Variants in LPP observed in about 807,000 individuals in gnomAD.
The protein encoded by LPP is lipoma-preferred partner.
Under a neutral mutation model 60.4 loss-of-function variants are expected in LPP, and 38 were observed. The ratio of observed to expected loss-of-function variants is 0.63; its 90% CI spans 0.49 to 0.83. The LOEUF is 0.83. LPP is among the 40% of genes least tolerant of loss of function. The pLI is 0.00. For synonymous variants in LPP, 328 were observed against 290.8 expected (o/e 1.13, Z -1.30); for missense variants, 902 against 783.6 (o/e 1.15, Z -1.80).
intron 9 of LPP, among the ~76,000 whole-genome samples, chr3:188,831,995 G>A (rs1757252888): frequency 6.6e-6 from 1 of 152,208 alleles, no homozygotes; most frequent in East Asian, 1.9e-4. Context: ...GATATTGGAA[G>A]AGCAAGTTGG....
chr3:188,575,450 T>C (rs543604263), intron 6 of LPP, among the ~76,000 whole-genome samples: 22 of 152,324 alleles, frequency 1.4e-4, no homozygotes, highest in African/African-American at 4.3e-4. Flanking sequence ...GGTTCCATTA[T>C]TGTGTTCATC....
intron 2 of LPP, among the ~76,000 whole-genome samples, chr3:188,276,193 A>G (rs1463518018): frequency 6.6e-6 from 1 of 151,836 alleles, no homozygotes; most frequent in Non-Finnish European, 1.5e-5. Flanking sequence ...GTGTAACCTG[A>G]CTCCACACCT....
At chr3:188,621,761 G>T (rs141435944) in intron 7 of LPP, among the ~76,000 whole-genome samples, 1 of 152,240 alleles carries the variant, frequency 6.6e-6, no homozygotes, top group East Asian at 1.9e-4. Context: ...CTGGGTTCAA[G>T]TGATTCTCCT....
chr3:188,185,765 C>T (rs1214465744), intron 1 of LPP, among the ~76,000 whole-genome samples: 3 of 152,184 alleles, frequency 2.0e-5, no homozygotes, highest in Non-Finnish European at 4.4e-5. Context: ...CTGTCGTTCT[C>T]TCATGGTGTG....
At chr3:188,381,616 G>C (rs753596062) in intron 3 of LPP, among the ~76,000 whole-genome samples, 1 of 152,180 alleles carries the variant, frequency 6.6e-6, no homozygotes, top group Non-Finnish European at 1.5e-5. Flanking sequence ...GGACTGGATT[G>C]TGTCATTCAT....
At chr3:188,334,768 A>T (rs1057073303) in intron 2 of LPP, among the ~76,000 whole-genome samples, 4 of 151,976 alleles carry the variant, frequency 2.6e-5, no homozygotes, top group African/African-American at 9.7e-5. Flanking sequence ...CCTCTATACT[A>T]TTTTCTATAA....
At chr3:188,644,862 CAA>C (rs1850818250) in intron 7 of LPP, among the ~76,000 whole-genome samples, 3 of 152,184 alleles carry the variant, frequency 2.0e-5, no homozygotes, top group South Asian at 4.1e-4. Context: ...AGGGTGCAGA[CAA>C]GAGAGGGAAC....
intron 7 of LPP, among the ~76,000 whole-genome samples, chr3:188,664,142 C>A (rs750301366): frequency 1.3e-5 from 2 of 152,218 alleles, no homozygotes; most frequent in Non-Finnish European, 2.9e-5. Context: ...AGTGCCAACT[C>A]ACCTCTAAGC....
At chr3:188,189,270 T>C (rs888948087) in intron 1 of LPP, among the ~76,000 whole-genome samples, 2 of 152,156 alleles carry the variant, frequency 1.3e-5, no homozygotes, top group East Asian at 1.9e-4. Flanking sequence ...TATTTTTTAA[T>C]AGTGACAGGG....
At chr3:188,416,901 A>G (rs2148987262) in intron 4 of LPP, among the ~76,000 whole-genome samples, 1 of 152,318 alleles carries the variant, frequency 6.6e-6, no homozygotes, top group South Asian at 2.1e-4. Flanking sequence ...TTATCTAAAA[A>G]TGGATTCATT....
intron 7 of LPP, among the ~76,000 whole-genome samples, chr3:188,690,325 G>A (rs1167971914): frequency 3.3e-5 from 5 of 152,162 alleles, no homozygotes. Flanking sequence ...TTCCTTTGGA[G>A]GTTAGAGCTT....
chr3:188,769,584 C>G (rs1449659405), intron 9 of LPP, among the ~76,000 whole-genome samples: 1 of 152,140 alleles, frequency 6.6e-6, no homozygotes, highest in Non-Finnish European at 1.5e-5. Flanking sequence ...CAGCAGGAAC[C>G]TTAGAAATTC....
chr3:188,737,425 C>T (rs1722910264), intron 8 of LPP, among the ~76,000 whole-genome samples: 1 of 152,160 alleles, frequency 6.6e-6, no homozygotes, highest in Non-Finnish European at 1.5e-5. Context: ...CCTGTCAACC[C>T]TGGTAGACAG....
chr3:188,751,931 T>C (rs1728207281), intron 8 of LPP, among the ~76,000 whole-genome samples: 1 of 152,174 alleles, frequency 6.6e-6, no homozygotes, highest in African/African-American at 2.4e-5. Flanking sequence ...ATCAGTAAAA[T>C]ATTGATAAAT....
At chr3:188,437,756 C>A (rs763352616) in intron 4 of LPP, among the ~76,000 whole-genome samples, 3 of 151,954 alleles carry the variant, frequency 2.0e-5, no homozygotes, top group Non-Finnish European at 4.4e-5. Context: ...TGTGTTATTT[C>A]ACTGCTTTAA....
chr3:188,207,310 C>T (rs1360605062), intron 1 of LPP, among the ~76,000 whole-genome samples: 2 of 149,678 alleles, frequency 1.3e-5, no homozygotes, highest in East Asian at 2.0e-4. Context: ...TAGCTGACTG[C>T]AACCTCTTCC....
chr3:188,401,462 G>T (rs1041725825), intron 3 of LPP, among the ~76,000 whole-genome samples: 2 of 152,056 alleles, frequency 1.3e-5, no homozygotes, highest in African/African-American at 4.8e-5. Context: ...CCTGGTTAAG[G>T]GCTACCTCTG....
At chr3:188,669,279 A>G (rs1856442956) in intron 7 of LPP, among the ~76,000 whole-genome samples, 2 of 152,116 alleles carry the variant, frequency 1.3e-5, no homozygotes, top group Admixed American at 1.3e-4. Context: ...CACCAGTTAG[A>G]TCATTAAAAA....
chr3:188,735,110 A>G (rs528011377), intron 8 of LPP, among the ~76,000 whole-genome samples: 1 of 152,252 alleles, frequency 6.6e-6, no homozygotes, highest in East Asian at 1.9e-4. Context: ...CTTCTGGTTA[A>G]GCCGGATCTG....
Sources: allele counts gnomAD v4.1 joint callset (sites outside exome capture counted in the v4.1 genomes callset), GRCh38; gene constraint gnomAD v4.1.1; transcripts MANE v1.5; gene names NCBI Gene and HGNC (gene_info 2026-07-23, HGNC 2026-07-21).